Variants in ITGB4 observed in about 807,000 individuals in gnomAD.
The protein encoded by ITGB4 is integrin beta-4.
A neutral mutation model predicts 207.6 loss-of-function variants in ITGB4; 159 were observed. That is an observed-to-expected ratio of 0.77 (90% CI 0.67 to 0.87). The LOEUF is 0.87. ITGB4 is among the 40% of genes least tolerant of loss of function. ITGB4 has a pLI of 0.00. For synonymous variants in ITGB4, 1,020 were observed against 1,062.7 expected (o/e 0.96, Z 0.78); for missense variants, 2,278 against 2,546.8 (o/e 0.89, Z 2.27).
chr17:75,727,109 C>T lies in ITGB4; in HGVS notation c.80-86C>T. ...ATAAATAACATAAGGAGGGAATCCC[C>T]ATCTCTCCAGGTGAAGGTGCAGGTG... On this transcript the variant is annotated intron_variant, in intron 2 of 39. Transcript: ENST00000200181. The surrounding 1 kb of genome is among the most constrained non-coding windows in gnomAD (Gnocchi z 6.0). The T allele has an allele frequency of 1.0e-6, 1 of 989,510 alleles. No homozygotes were observed. Among genetic ancestry groups the T allele is most frequent in the Non-Finnish European group, 1.6e-6 (1 of 626,304 alleles). The allele number at this position is 989,510 out of a possible 1,614,324, so 61.3% of individuals were successfully genotyped here.
rs1315733718 is a variant in ITGB4, at chr17:75,724,692, A to G, written c.-10-2A>G. Reference sequence around the variant, plus strand: ...CATGTGTCAATTGTTGCTGTTCTGCAGGAGGAAGAGGATGGCAGGGCCACG... The same window carrying G: ...CATGTGTCAATTGTTGCTGTTCTGCGGGAGGAAGAGGATGGCAGGGCCACG... On this transcript the variant is annotated splice_acceptor_variant, in intron 1 of 39. Coordinates refer to ENST00000200181, the MANE Select transcript of ITGB4 (RefSeq NM_000213.5). LOFTEE classifies it low-confidence loss of function (5UTR_SPLICE). 1.2e-6 allele frequency: 2 copies of G among 1,611,838 alleles called. No homozygotes were observed. The highest frequency in any genetic ancestry group is 3.3e-5 in the Admixed American group (2 of 60,022).
At chr17:75,752,113 G>A in intron 30 of ITGB4, 61 bp from the exon 31 acceptor site, 11 of 1,549,498 alleles carry the variant, frequency 7.1e-6, no homozygotes, top group Admixed American at 1.7e-5. Context: ...GCTGTGTCAG[G>A]GGTGGTGTTG....
chr17:75,737,502 G>A (rs1439967104), intron 17 of ITGB4, 36 bp from the exon 18 acceptor site: 1 of 1,554,756 alleles, frequency 6.4e-7, no homozygotes. Context: ...CGGTGGGGAG[G>A]ACAGGCACCA....
chr17:75,727,361 G>T lies in ITGB4; in HGVS notation c.163-43G>T. On this transcript the variant is annotated intron_variant, in intron 3 of 39. Coordinates refer to ENST00000200181, the MANE Select transcript of ITGB4 (RefSeq NM_000213.5). The surrounding 1 kb of genome is among the most constrained non-coding windows in gnomAD (Gnocchi z 6.0). ...ATGAATCTAGGGTTGGGGCAGCCAGGGAATGGGTGCTGCCCCCAGTGACCC... is the reference window on the plus strand; with the variant it reads ...ATGAATCTAGGGTTGGGGCAGCCAGTGAATGGGTGCTGCCCCCAGTGACCC... 1.2e-6 allele frequency: 2 copies of T among 1,610,254 alleles called. No homozygotes were observed. Among genetic ancestry groups the T allele is most frequent in the Non-Finnish European group, 8.5e-7 (1 of 1,176,654 alleles).
Position 75,733,522 on chromosome 17 carries a change from C to G in ITGB4, c.1487C>G (p.Ser496Cys), listed in dbSNP as rs1274485247. 3 of 1,613,690 alleles carry G rather than the reference C, an allele frequency of 1.9e-6. No individual in the cohort carries two copies. Among genetic ancestry groups the G allele is most frequent in the Non-Finnish European group, 1.7e-6 (2 of 1,180,038 alleles). The change falls in exon 13 of 40, where the codon TCT becomes TGT. Residue 496 changes from serine (S) to cysteine (C), a missense_variant. Physicochemically the swap from Ser to Cys is moderately radical, Grantham distance 112. Coordinates refer to ENST00000200181, the MANE Select transcript of ITGB4 (RefSeq NM_000213.5). ...SGQTCNCSTG[S>C]LSDIQPCLRE... Reference sequence around the variant, plus strand: ...CAGACCTGCAACTGCTCCACCGGCTCTCTGAGTGACATTCAGCCCTGCCTG... The same window carrying G: ...CAGACCTGCAACTGCTCCACCGGCTGTCTGAGTGACATTCAGCCCTGCCTG...
In ITGB4 at chr17:75,727,576, C is replaced by G; in HGVS notation, c.264+71C>G. ...GGCTATTTATGGGGGTGTATAGTGC[C>G]CCTTGGCCGGGCTGGGCCCCCATCG... On this transcript the variant is annotated intron_variant, in intron 4 of 39. Transcript: ENST00000200181. This position sits in a 1 kb window ranked among gnomAD's most constrained non-coding sequence, Gnocchi z 6.0. The G allele has an allele frequency of 6.3e-7, 1 of 1,588,484 alleles. No homozygotes were observed. Among genetic ancestry groups the G allele is most frequent in the Admixed American group, 1.8e-5 (1 of 56,206 alleles).
Position 75,757,599 on chromosome 17 carries a change from C to CCGA in ITGB4, c.*46_*48dup. ...CCGCCACGTCCCACTAGGCGTCCTC[C>CCGA]CGACTCCTCTCCCGGAGCCTCCTCA... On this transcript the variant is annotated 3_prime_UTR_variant, in exon 40 of 40. Transcript: ENST00000200181. 1 of 1,612,198 alleles carries CCGA rather than the reference C, an allele frequency of 6.2e-7. No homozygotes were observed. Among genetic ancestry groups the CCGA allele is most frequent in the South Asian group, 1.1e-5 (1 of 91,060 alleles).
chr17:75,737,369 T>C lies in ITGB4; in HGVS notation c.2038T>C (p.Cys680Arg). The change falls in exon 17 of 40, where the codon TGC (cysteine) becomes CGC (arginine). Residue 680 changes from cysteine to arginine, a missense_variant. Physicochemically the swap from Cys to Arg is radical, Grantham distance 180. Coordinates refer to ENST00000200181, the MANE Select transcript of ITGB4 (RefSeq NM_000213.5). ...RCSFRDEDDD[C>R]TYSYTMEGDG... The stretch of plus-strand genomic sequence containing the variant: ...CTCCTTCCGGGACGAGGATGACGAC[T>C]GCACCTACAGCTACACCATGGAAGG... The C allele has an allele frequency of 6.3e-7, 1 of 1,585,830 alleles. No homozygotes were observed. The highest frequency in any genetic ancestry group is 8.6e-7 in the Non-Finnish European group (1 of 1,166,420).
chr17:75,739,567 A>T lies in ITGB4; in HGVS notation c.2221-105A>T. On this transcript the variant is annotated intron_variant, in intron 18 of 39. Coordinates refer to ENST00000200181, the MANE Select transcript of ITGB4 (RefSeq NM_000213.5). This position sits in a 1 kb window ranked among gnomAD's most constrained non-coding sequence, Gnocchi z 5.4. ...TGGATATTCTGGTGTCTGGGGAGGC[A>T]CTGTCACCCCTCTTGACCATTGGCA... 1 of 1,291,440 alleles carries T rather than the reference A, an allele frequency of 7.7e-7. No homozygotes were observed. Among genetic ancestry groups the T allele is most frequent in the Non-Finnish European group, 1.1e-6 (1 of 891,054 alleles). 80.0% of individuals were successfully genotyped at this position (1,291,440 alleles called of 1,614,324 possible).
Position 75,750,291 on chromosome 17 carries a change from A to C in ITGB4, c.3474+23A>C. 6.3e-7 allele frequency: 1 copy of C among 1,591,800 alleles called. No individual in the cohort carries two copies. Among genetic ancestry groups the C allele is most frequent in the Non-Finnish European group, 8.6e-7 (1 of 1,166,442 alleles). ...AGGGTAAGGCGGGGGGCTGAGGGTCACGACAGGTGGATGGGCGGTCTGGCA... is the reference window on the plus strand; with the variant it reads ...AGGGTAAGGCGGGGGGCTGAGGGTCCCGACAGGTGGATGGGCGGTCTGGCA... On this transcript the variant is annotated intron_variant, in intron 28 of 39. Coordinates refer to ENST00000200181, the MANE Select transcript of ITGB4 (RefSeq NM_000213.5). The surrounding 1 kb of genome is among the most constrained non-coding windows in gnomAD (Gnocchi z 5.5).
intron 1 of ITGB4, among the ~76,000 whole-genome samples, 170 bp from the exon 2 acceptor site, chr17:75,724,524 C>T (rs545582988): frequency 2.2e-4 from 33 of 152,388 alleles, no homozygotes; most frequent in Admixed American, 1.4e-3. Context: ...AACAGGGCAG[C>T]GGAAAAGGCA....
intron 34 of ITGB4, chr17:75,755,160 C>T (rs376640670): frequency 6.2e-7 from 1 of 1,611,616 alleles, no homozygotes; most frequent in Non-Finnish European, 8.5e-7. Context: ...TCCAGGGGCC[C>T]ACGAGACTCT....
In ITGB4 at chr17:75,739,101, G is replaced by A. The variant is rs1219685706; in HGVS notation, c.2221-571G>A. On this transcript the variant is annotated intron_variant, in intron 18 of 39. Transcript: ENST00000200181. This position sits in a 1 kb window ranked among gnomAD's most constrained non-coding sequence, Gnocchi z 5.4. ...ACTTGAGGTCAGGAGTTGGAGACAA[G>A]CCCGGCCAATATGGTGACACCCCAT... Among the ~76,000 whole-genome samples, 2 of 152,104 alleles carry A rather than the reference G, an allele frequency of 1.3e-5. No homozygotes were observed. The highest frequency in any genetic ancestry group is 2.9e-5 in the Non-Finnish European group (2 of 68,014).
In ITGB4 at chr17:75,739,525, T is replaced by C. The variant is rs898039846; in HGVS notation, c.2221-147T>C. The C allele has an allele frequency of 1.1e-6, 1 of 910,098 alleles. No individual in the cohort carries two copies. The allele number at this position is 910,098 out of a possible 1,614,324, so 56.4% of individuals were successfully genotyped here. A position where few individuals can be genotyped will look rare whatever the true frequency, so the allele number is the denominator to read the frequency against. On this transcript the variant is annotated intron_variant, in intron 18 of 39. Coordinates refer to ENST00000200181, the MANE Select transcript of ITGB4 (RefSeq NM_000213.5). This position sits in a 1 kb window ranked among gnomAD's most constrained non-coding sequence, Gnocchi z 5.4. ...CCTCTATGCCCTTGTGTGCCATGCT[T>C]ACACCCTGCTACCACCTGGATATTC...
At chr17:75,754,506 G>A (rs2061440463) in intron 33 of ITGB4, 70 bp from the exon 34 acceptor site, 11 of 1,603,564 alleles carry the variant, frequency 6.9e-6, no homozygotes, top group Non-Finnish European at 9.4e-6. Context: ...GAATGTGCAG[G>A]GCCCAGCCTG....
intron 13 of ITGB4, 124 bp downstream of exon 13, chr17:75,733,816 C>A: frequency 8.8e-7 from 1 of 1,130,496 alleles, no homozygotes; most frequent in Non-Finnish European, 1.3e-6. Flanking sequence ...AGTTCAGGCC[C>A]AGCCCACTCT....
rs1430019984 is a variant in ITGB4, at chr17:75,721,477, G to T, written c.-146G>T. 1 of 24,920 alleles carries T rather than the reference G, an allele frequency of 4.0e-5. No homozygotes were observed. The highest frequency in any genetic ancestry group is 1.3e-3 in the South Asian group (1 of 742). The allele number at this position is 24,920 out of a possible 1,614,324, so 1.5% of individuals were successfully genotyped here. ...CCCCACCCCCCCAACCCCCGCGCCCGCCCTCGGACAGTCCCTGCTCGCCCG... is the reference window on the plus strand; with the variant it reads ...CCCCACCCCCCCAACCCCCGCGCCCTCCCTCGGACAGTCCCTGCTCGCCCG... On this transcript the variant is annotated 5_prime_UTR_variant, in exon 1 of 40. Transcript: ENST00000200181.
In ITGB4 at chr17:75,742,404, G is replaced by A. The variant is rs1299198218; in HGVS notation, c.2697G>A (p.Leu899=). The A allele has an allele frequency of 6.2e-7, 1 of 1,613,414 alleles. No individual in the cohort carries two copies. Among genetic ancestry groups the A allele is most frequent in the Non-Finnish European group, 8.5e-7 (1 of 1,179,966 alleles). ...CCCGCTCGGCCAAGCCGGCCCTGCT[G>A]AAGCTTACAGAGAAGCAGGTGGAAC... The part of the protein sequence containing the change: ...MAPRSAKPAL[L]KLTEKQVEQR... Residue 899 remains leucine, a synonymous_variant, in exon 24 of 40, where the codon CTG becomes CTA. Transcript: ENST00000200181. This position sits in a 1 kb window ranked among gnomAD's most constrained non-coding sequence, Gnocchi z 5.9.
intron 13 of ITGB4, among the ~76,000 whole-genome samples, chr17:75,735,796 CA>C (rs1219582958): frequency 6.6e-6 from 1 of 152,160 alleles, no homozygotes; most frequent in African/African-American, 2.4e-5. Flanking sequence ...GGTTCTTAGC[CA>C]GGGGAGCAGG....
Sources: gnomAD v4.1 joint callset for allele counts (sites outside exome capture counted in the v4.1 genomes callset) on GRCh38, gnomAD v4.1.1 for gene constraint, Gnocchi (gnomAD v3.1) non-coding constraint, MANE v1.5 for transcripts, NCBI Gene and HGNC (gene_info 2026-07-23, HGNC 2026-07-21) for gene names.